EGFLAM: variants seen among roughly 807,000 people sequenced by gnomAD.
EGFLAM encodes pikachurin.
In EGFLAM, 79 loss-of-function variants were observed where a neutral mutation model predicts 113.1. The ratio of observed to expected loss-of-function variants is 0.70; its 90% CI spans 0.58 to 0.84. The LOEUF is 0.84. Ranked by LOEUF, EGFLAM falls within the 40% of genes least tolerant of loss-of-function variation. The pLI is 0.00. For synonymous variants in EGFLAM, 504 were observed against 487.6 expected (o/e 1.03, Z -0.44); for missense variants, 1,265 against 1,291.6 (o/e 0.98, Z 0.32).
chr5:38,429,695 A>G (rs1446544097), intron 14 of EGFLAM, among the ~76,000 whole-genome samples: 1 of 152,200 alleles, frequency 6.6e-6, no homozygotes, highest in Non-Finnish European at 1.5e-5. Context: ...TTTCCCTCCC[A>G]ATATTTTATT....
rs1743389729 is a variant in EGFLAM at position 38,464,118 on chromosome 5, A to G, written c.*132A>G. 1 of 1,222,580 alleles carries G rather than the reference A, an allele frequency of 8.2e-7. No homozygotes were observed. The highest frequency in any genetic ancestry group is 1.1e-6 in the Non-Finnish European group (1 of 896,194). The allele number at this position is 1,222,580 out of a possible 1,614,324, so 75.7% of individuals were successfully genotyped here. ...TCCTCTCACCAAGAAGAAAGTACAC[A>G]CTGATGAGAAACTGAGAACCAAGAC... On this transcript the variant is annotated 3_prime_UTR_variant, in exon 22 of 22. Coordinates refer to ENST00000322350, the MANE Select transcript of EGFLAM (RefSeq NM_152403.4).
intron 6 of EGFLAM, among the ~76,000 whole-genome samples, chr5:38,388,270 C>G (rs1320114230): frequency 6.6e-6 from 1 of 152,178 alleles, no homozygotes; most frequent in African/African-American, 2.4e-5. Flanking sequence ...TGAAGTCACT[C>G]AACTTTGAGC....
chr5:38,428,640 G>A (rs1195529205), intron 14 of EGFLAM, among the ~76,000 whole-genome samples: 1 of 152,182 alleles, frequency 6.6e-6, no homozygotes, highest in Non-Finnish European at 1.5e-5. Flanking sequence ...TCCAGGAGAG[G>A]TTCTGGGCTC....
chr5:38,370,512 T>C (rs1167032396), intron 6 of EGFLAM, 50 bp downstream of exon 6: 1 of 1,580,956 alleles, frequency 6.3e-7, no homozygotes, highest in Non-Finnish European at 8.6e-7. Context: ...ATATCTGGGC[T>C]TGCCTCATGA....
At chr5:38,340,959 T>C (rs977199635) in intron 3 of EGFLAM, among the ~76,000 whole-genome samples, 3 of 152,078 alleles carry the variant, frequency 2.0e-5, no homozygotes, top group African/African-American at 7.2e-5. Context: ...AGGAGTCTGA[T>C]ATAGCAGAAT....
At chr5:38,337,931 A>G (rs1739230228) in intron 2 of EGFLAM, among the ~76,000 whole-genome samples, 1 of 152,214 alleles carries the variant, frequency 6.6e-6, no homozygotes, top group Non-Finnish European at 1.5e-5. Context: ...TGGAGAATAA[A>G]GTAGGAACAC....
At chr5:38,346,965 G>T (rs1216706431) in intron 3 of EGFLAM, among the ~76,000 whole-genome samples, 2 of 151,948 alleles carry the variant, frequency 1.3e-5, no homozygotes, top group East Asian at 1.9e-4. Flanking sequence ...GTGGAGTGGA[G>T]GTGGGTGGGA....
chr5:38,440,359 A>G (rs902095919), intron 17 of EGFLAM, among the ~76,000 whole-genome samples: 9 of 152,200 alleles, frequency 5.9e-5, no homozygotes, highest in Non-Finnish European at 1.3e-4. Flanking sequence ...CCCCTATCCC[A>G]TAATTTCCTT....
intron 6 of EGFLAM, among the ~76,000 whole-genome samples, chr5:38,374,093 T>C (rs1336643705): frequency 6.6e-6 from 1 of 152,248 alleles, no homozygotes; most frequent in Non-Finnish European, 1.5e-5. Flanking sequence ...CATCTCATTG[T>C]GGTTTTAATT....
intron 5 of EGFLAM, among the ~76,000 whole-genome samples, chr5:38,367,516 G>T (rs904147468): frequency 6.6e-6 from 1 of 151,996 alleles, no homozygotes; most frequent in Non-Finnish European, 1.5e-5. Context: ...CTTCCAAAGT[G>T]CTGGGATTAC....
At chr5:38,304,190 C>A (rs1561270535) in intron 1 of EGFLAM, among the ~76,000 whole-genome samples, 2 of 151,278 alleles carry the variant, frequency 1.3e-5, no homozygotes, top group African/African-American at 4.9e-5. Flanking sequence ...ACACTGAGAA[C>A]CTTCAGATTT....
At chr5:38,347,856 G>T (rs572843668) in intron 3 of EGFLAM, among the ~76,000 whole-genome samples, 1 of 152,270 alleles carries the variant, frequency 6.6e-6, no homozygotes, top group South Asian at 2.1e-4. Context: ...CAGCATTGGT[G>T]GCAGGGGAAT....
intron 3 of EGFLAM, among the ~76,000 whole-genome samples, chr5:38,341,527 CAT>C (rs1739337713): frequency 6.6e-6 from 1 of 152,168 alleles, no homozygotes; most frequent in Non-Finnish European, 1.5e-5. Context: ...TGGGTGGAGA[CAT>C]AGAGCCAAAC....
intron 20 of EGFLAM, among the ~76,000 whole-genome samples, chr5:38,462,148 G>C (rs1474139971): frequency 6.6e-6 from 1 of 152,164 alleles, no homozygotes; most frequent in South Asian, 2.1e-4. Flanking sequence ...CAGCCTGGGC[G>C]ACAGCGGGAC....
chr5:38,280,055 G>C (rs13359140), intron 1 of EGFLAM, among the ~76,000 whole-genome samples: 29,341 of 152,016 alleles, frequency 0.19, 2,944 homozygotes, highest in Middle Eastern at 0.23. Context: ...GATGAAGAGA[G>C]GGACAGATTG....
intron 1 of EGFLAM, among the ~76,000 whole-genome samples, chr5:38,259,721 G>T: frequency 6.6e-6 from 1 of 152,136 alleles, no homozygotes; most frequent in East Asian, 1.9e-4. Context: ...TGTAAGGGAG[G>T]TTGTCTTATG....
intron 6 of EGFLAM, among the ~76,000 whole-genome samples, chr5:38,384,516 T>A (rs936582009): frequency 2.0e-5 from 3 of 152,204 alleles, no homozygotes; most frequent in Non-Finnish European, 4.4e-5. Flanking sequence ...TTTCCTTATA[T>A]AAGCCAGAAG....
intron 1 of EGFLAM, among the ~76,000 whole-genome samples, chr5:38,281,762 G>A (rs12657399): frequency 0.094 from 14,281 of 152,128 alleles, 818 homozygotes; most frequent in Admixed American, 0.16. Context: ...CAATAAAATG[G>A]GTTTACTACA....
intron 6 of EGFLAM, among the ~76,000 whole-genome samples, chr5:38,370,919 A>C (rs1183626200): frequency 6.6e-6 from 1 of 152,230 alleles, no homozygotes; most frequent in Non-Finnish European, 1.5e-5. Context: ...GTATCAAAGA[A>C]GTTGAGCGCT....
Sources: allele counts gnomAD v4.1 joint callset (sites outside exome capture counted in the v4.1 genomes callset), GRCh38; gene constraint gnomAD v4.1.1; transcripts MANE v1.5; gene names NCBI Gene and HGNC (gene_info 2026-07-23, HGNC 2026-07-21).